The following ZNF786 variants were observed in gnomAD, a reference collection of about 807,000 sequenced individuals.
ZNF786 encodes zinc finger protein 786.
Under a neutral mutation model 63.1 loss-of-function variants are expected in ZNF786, and 56 were observed. That is an observed-to-expected ratio of 0.89 (90% CI 0.72 to 1.11). ZNF786 has a LOEUF of 1.11. Among genes scored for constraint, ZNF786 ranks in the 50% least tolerant of loss-of-function variants. The probability of loss-of-function intolerance (pLI) is 0.00; values close to 1 mark genes in which losing one functional copy is unlikely to be tolerated. For missense variants in ZNF786, 1,213 were observed against 1,041.8 expected (o/e 1.16, Z -2.26); for synonymous variants, 485 against 406.9 (o/e 1.19, Z -2.31).
chr7:149,083,327 C>G (rs1825681831), intron 1 of ZNF786, among the ~76,000 whole-genome samples: 1 of 152,082 alleles, frequency 6.6e-6, no homozygotes. Context: ...AGCAGCTCTC[C>G]TACCTCAGCC....
intron 1 of ZNF786, among the ~76,000 whole-genome samples, chr7:149,081,819 A>G (rs1450454721): frequency 6.6e-6 from 1 of 152,198 alleles, no homozygotes; most frequent in Non-Finnish European, 1.5e-5. Flanking sequence ...TTTGCCAATG[A>G]TATGATCCTC....
Position 149,070,712 on chromosome 7 carries a change from A to G in ZNF786, c.2060T>C (p.Leu687Pro), listed in dbSNP as rs369664409. 6.2e-7 allele frequency: 1 copy of G among 1,613,694 alleles called. No individual in the cohort carries two copies. Among genetic ancestry groups the G allele is most frequent in the Non-Finnish European group, 8.5e-7 (1 of 1,179,924 alleles). Residue 687 changes from leucine (L) to proline (P), a missense_variant, in exon 4 of 4, where the codon CTG becomes CCG. Leu to Pro is a moderately conservative substitution (Grantham distance 98). Coordinates refer to ENST00000491431, the MANE Select transcript of ZNF786 (RefSeq NM_152411.4). ...CTGATGGCTGAGCAGCTGCGCCTTCAGGCGGAAACTCTTGTCACACTTGGG... is the reference window on the plus strand; with the variant it reads ...CTGATGGCTGAGCAGCTGCGCCTTCGGGCGGAAACTCTTGTCACACTTGGG... ...QCPKCDKSFR[L>P]KAQLLSHQGL... is the part of the protein sequence containing the mutation.
chr7:149,071,524 C>A lies in ZNF786; in HGVS notation c.1248G>T (p.Gln416His). Residue 416 changes from glutamine to histidine, a missense_variant, in exon 4 of 4, where the codon CAG (glutamine) becomes CAT (histidine). Coordinates refer to ENST00000491431, the MANE Select transcript of ZNF786 (RefSeq NM_152411.4). ...FRLRRLLQVH[Q>H]HAHGGERPFS... is the part of the protein sequence containing the mutation. ...ACGGTCTCTCCCCACCGTGCGCGTG[C>A]TGGTGGACCTGCAGCAGGCGGCGCA... 6.2e-7 allele frequency: 1 copy of A among 1,613,316 alleles called. No homozygotes were observed. The highest frequency in any genetic ancestry group is 2.2e-5 in the East Asian group (1 of 44,880).
At position 149,074,289 on chromosome 7, in the gene ZNF786, A is replaced by G. The variant is rs558393521; in HGVS notation, c.298+97T>C. 41 of 1,442,160 alleles carry G rather than the reference A, an allele frequency of 2.8e-5. No individual in the cohort carries two copies. The South Asian group carries it at 4.8e-4, about 17-fold the overall frequency. 89.3% of individuals were successfully genotyped at this position (1,442,160 alleles called of 1,614,324 possible). A position where few individuals can be genotyped will look rare whatever the true frequency, so the allele number is the denominator to read the frequency against. On this transcript the variant is annotated intron_variant, in intron 3 of 3. Coordinates refer to ENST00000491431, the MANE Select transcript of ZNF786 (RefSeq NM_152411.4). ...TTTATCTAGAAGATAAGAGTCTTCA[A>G]ACCTCAGCTTGCCCAAACAGGATGA...
chr7:149,070,964 C>T lies in ZNF786; in HGVS notation c.1808G>A (p.Arg603His). 1 of 1,613,314 alleles carries T rather than the reference C, an allele frequency of 6.2e-7. No homozygotes were observed. Among genetic ancestry groups the T allele is most frequent in the Non-Finnish European group, 8.5e-7 (1 of 1,179,918 alleles). ...ATGGCTGAGCAGCTGCCCCTTCAGGCGGAAGCTCCTGTTGCACTCTGGGCA... is the reference window on the plus strand; with the variant it reads ...ATGGCTGAGCAGCTGCCCCTTCAGGTGGAAGCTCCTGTTGCACTCTGGGCA... ...FQCPECNRSF[R>H]LKGQLLSHQR... Residue 603 changes from arginine (R) to histidine (H), a missense_variant, in exon 4 of 4, where the codon CGC becomes CAC. Arg to His is a conservative substitution (Grantham distance 29). Transcript: ENST00000491431.
chr7:149,070,391 C>T lies in ZNF786; in HGVS notation c.*32G>A, dbSNP rs749344132. ...CTGTGGATTCCTGGGCAATACCAAT[C>T]CTGCTCAACGCTTTGGATGTCCCAC... On this transcript the variant is annotated 3_prime_UTR_variant, in exon 4 of 4. Transcript: ENST00000491431. The T allele has an allele frequency of 6.2e-7, 1 of 1,600,554 alleles. No individual in the cohort carries two copies. The highest frequency in any genetic ancestry group is 8.5e-7 in the Non-Finnish European group (1 of 1,171,754).
chr7:149,073,062 C>T (rs943979335), intron 3 of ZNF786, among the ~76,000 whole-genome samples: 4 of 152,186 alleles, frequency 2.6e-5, no homozygotes, highest in African/African-American at 9.7e-5. Context: ...GACCTGGCAG[C>T]AAGGCTTGGG....
chr7:149,080,003 C>A (rs1329363922), intron 2 of ZNF786, among the ~76,000 whole-genome samples: 1 of 151,670 alleles, frequency 6.6e-6, no homozygotes. Flanking sequence ...GAAACCCTGT[C>A]TCTACTAAAA....
At chr7:149,087,611 T>C (rs754500388) in intron 1 of ZNF786, among the ~76,000 whole-genome samples, 9 of 152,164 alleles carry the variant, frequency 5.9e-5, no homozygotes, top group Non-Finnish European at 1.3e-4. Context: ...ATACGCAAAA[T>C]GCACACATGC....
At chr7:149,075,655 GTTTTTTTTTTTTT>G (rs1165713050) in intron 2 of ZNF786, among the ~76,000 whole-genome samples, 8 of 69,454 alleles carry the variant, frequency 1.2e-4, no homozygotes, top group South Asian at 7.0e-4. Context: ...CACACTTCAG[GTTTTTTTTTTTTT>G]TTTTTTTTTT....
intron 1 of ZNF786, among the ~76,000 whole-genome samples, chr7:149,087,047 T>TG (rs1455276765): frequency 2.6e-5 from 4 of 152,110 alleles, no homozygotes; most frequent in Non-Finnish European, 5.9e-5. Flanking sequence ...TTCACCTTGT[T>TG]GGTCAGGCTG....
rs200869206 is a variant in ZNF786 at position 149,070,665 on chromosome 7, G to T, written c.2107C>A (p.Pro703Thr). ...SHQGLHTGER[P>T]FHCPECDKNF... Reference sequence around the variant, plus strand: ...TTGTCACACTCAGGGCAGTGAAAAGGCCTCTCCCCTGTGTGCAGGCCCTGA... The same window carrying T: ...TTGTCACACTCAGGGCAGTGAAAAGTCCTCTCCCCTGTGTGCAGGCCCTGA... The change falls in exon 4 of 4, where the codon CCT becomes ACT. Residue 703 changes from proline to threonine, a missense_variant. Coordinates refer to ENST00000491431, the MANE Select transcript of ZNF786 (RefSeq NM_152411.4). 1.9e-6 allele frequency: 3 copies of T among 1,613,982 alleles called. No homozygotes were observed. The highest frequency in any genetic ancestry group is 3.3e-5 in the Admixed American group (2 of 60,030).
At chr7:149,084,234 C>T (rs186002145) in intron 1 of ZNF786, among the ~76,000 whole-genome samples, 20 of 151,152 alleles carry the variant, frequency 1.3e-4, no homozygotes, top group East Asian at 5.8e-4. Context: ...TGGTGGCACG[C>T]GCTTGTAATC....
At chr7:149,086,050 A>G (rs1825730894) in intron 1 of ZNF786, among the ~76,000 whole-genome samples, 1 of 152,162 alleles carries the variant, frequency 6.6e-6, no homozygotes, top group Non-Finnish European at 1.5e-5. Context: ...GACTTCCTCT[A>G]TTTCTATTTG....
In ZNF786 at chr7:149,070,295, G is replaced by T; in HGVS notation, c.*128C>A. The T allele has an allele frequency of 1.7e-6, 2 of 1,193,364 alleles. No individual in the cohort carries two copies. The highest frequency in any genetic ancestry group is 2.4e-6 in the Non-Finnish European group (2 of 848,908). The allele number at this position is 1,193,364 out of a possible 1,614,324, so 73.9% of individuals were successfully genotyped here. A position where few individuals can be genotyped will look rare whatever the true frequency, so the allele number is the denominator to read the frequency against. On this transcript the variant is annotated 3_prime_UTR_variant, in exon 4 of 4. Coordinates refer to ENST00000491431, the MANE Select transcript of ZNF786 (RefSeq NM_152411.4). The stretch of plus-strand genomic sequence containing the variant: ...TTGTGGTTCTTCATATTCCTAACTT[G>T]CATGACACTCTTGCTCAAAGAAGGA...
At chr7:149,090,442 G>A (rs1298510898) in intron 1 of ZNF786, among the ~76,000 whole-genome samples, 181 bp downstream of exon 1, 1 of 152,240 alleles carries the variant, frequency 6.6e-6, no homozygotes, top group East Asian at 1.9e-4. Flanking sequence ...AGCCGCGGGA[G>A]CGGAGGCCAC....
chr7:149,075,664 T>TTTTTC, intron 2 of ZNF786, among the ~76,000 whole-genome samples: 1 of 115,952 alleles, frequency 8.6e-6, no homozygotes, highest in Non-Finnish European at 1.8e-5. Flanking sequence ...GGTTTTTTTT[T>TTTTTC]TTTTTTTTTT....
In ZNF786 at chr7:149,071,086, C is replaced by G. The variant is rs1180573118; in HGVS notation, c.1686G>C (p.Glu562Asp). The change falls in exon 4 of 4, where the codon GAG becomes GAC. Residue 562 changes from glutamate (E) to aspartate (D), a missense_variant. By Grantham distance (45) the Glu-to-Asp change is conservative. Transcript: ENST00000491431. Reference protein sequence around the residue: ...LKAHQHTHSKERPFSCGECGK... With the variant: ...LKAHQHTHSKDRPFSCGECGK... ...CACACTCCCCGCACGAGAACGGCCTCTCCTTGCTGTGCGTGTGCTGGTGGG... is the reference window on the plus strand; with the variant it reads ...CACACTCCCCGCACGAGAACGGCCTGTCCTTGCTGTGCGTGTGCTGGTGGG... 1.2e-6 allele frequency: 2 copies of G among 1,612,234 alleles called. No individual in the cohort carries two copies. Among genetic ancestry groups the G allele is most frequent in the Admixed American group, 1.7e-5 (1 of 59,922 alleles).
intron 1 of ZNF786, among the ~76,000 whole-genome samples, chr7:149,087,040 A>G (rs1159005708): frequency 1.3e-5 from 2 of 151,988 alleles, no homozygotes; most frequent in African/African-American, 4.8e-5. Context: ...GCAGGGTTTC[A>G]CCTTGTTGGT....
Sources: gnomAD v4.1 joint callset for allele counts (sites outside exome capture counted in the v4.1 genomes callset) on GRCh38, gnomAD v4.1.1 for gene constraint, MANE v1.5 for transcripts, NCBI Gene and HGNC (gene_info 2026-07-23, HGNC 2026-07-21) for gene names.